The following DMKN variants were observed in gnomAD, a reference collection of about 807,000 sequenced individuals.
DMKN encodes epidermis-specific secreted protein SK30/SK89.
DMKN carries 58 observed loss-of-function variants against 67.6 expected under a neutral mutation model. The observed-to-expected ratio is 0.86, with a 90% confidence interval of 0.69 to 1.07. DMKN has a LOEUF of 1.07. Among genes scored for constraint, DMKN ranks in the 50% least tolerant of loss-of-function variants. The probability of loss-of-function intolerance (pLI) is 0.00; values close to 1 mark genes in which losing one functional copy is unlikely to be tolerated. For missense variants in DMKN, 596 were observed against 601.5 expected, an observed-to-expected ratio of 0.99 and a Z score of 0.10; for synonymous variants, 240 against 232.3, an observed-to-expected ratio of 1.03 and a Z score of -0.30.
intron 11 of DMKN, chr19:35,501,898 G>C (rs754053081): frequency 6.3e-7 from 1 of 1,579,082 alleles, no homozygotes; most frequent in South Asian, 1.2e-5. Context: ...CCGGCTTCAT[G>C]TTCATGTGCT....
Position 35,511,764 on chromosome 19 carries a change from C to A in DMKN, c.734G>T (p.Gly245Val). 1 of 1,613,184 alleles carries A rather than the reference C, an allele frequency of 6.2e-7. No individual in the cohort carries two copies. Among genetic ancestry groups the A allele is most frequent in the Non-Finnish European group, 8.5e-7 (1 of 1,179,492 alleles). Residue 245 changes from glycine (G) to valine (V), a missense_variant and splice_region_variant, in exon 4 of 16, where the codon GGG becomes GTG. Physicochemically the swap from Gly to Val is moderately radical, Grantham distance 109 (BLOSUM62 -3). Coordinates refer to ENST00000339686, the MANE Select transcript of DMKN (RefSeq NM_033317.5). Reference protein sequence around the residue: ...SGSGGGSSNSGGGSGSQSGSS... With the variant: ...SGSGGGSSNSVGGSGSQSGSS... ...CCTGGGTTGCCCCTCTCCACTCACC[C>A]CAGAGTTGCTGGAGCCTCCACCTGA...
intron 7 of DMKN, chr19:35,507,097 C>T: frequency 4.9e-6 from 1 of 203,596 alleles, no homozygotes; most frequent in Non-Finnish European, 1.0e-5. Context: ...TATGCTGGTG[C>T]CTGGCCAGAG....
In DMKN at chr19:35,511,400, G is replaced by T; in HGVS notation, c.918+11C>A. The T allele has an allele frequency of 6.2e-7, 1 of 1,607,470 alleles. No homozygotes were observed. On this transcript the variant is annotated intron_variant, in intron 5 of 15. Coordinates refer to ENST00000339686, the MANE Select transcript of DMKN (RefSeq NM_033317.5). The stretch of plus-strand genomic sequence containing the variant: ...CCCCATCTCAGCCTTCCACAGAGGT[G>T]CCAAACTCACCCAGGAGGACTCACT...
Position 35,511,461 on chromosome 19 carries a change from TGC to T in DMKN, c.866_867del (p.Ser289LysfsTer10). The T allele has an allele frequency of 1.8e-6, 2 of 1,120,364 alleles. No individual in the cohort carries two copies. The highest frequency in any genetic ancestry group is 2.3e-6 in the Non-Finnish European group (2 of 858,068). 69.4% of individuals were successfully genotyped at this position (1,120,364 alleles called of 1,614,324 possible). ...CCTCTGCTGCCACCACTGTTGCCAC[TGC>T]TGCCACCACTGCTGCCGCCACTGCT... ...GGSSGGSSGG[S>X]SGNSGGSRGD... is the part of the protein sequence containing the mutation. On this transcript the variant is annotated frameshift_variant, in exon 5 of 16. Transcript: ENST00000339686. LOFTEE classifies it high-confidence loss of function.
rs771670588 is a variant in DMKN at position 35,506,072 on chromosome 19, A to G, written c.1039-86T>C. 31 of 1,609,376 alleles carry G rather than the reference A, an allele frequency of 1.9e-5. No homozygotes were observed. The East Asian group carries it at 6.2e-4, about 32-fold the overall frequency. ...GATCTGAGTGGCAGGAGGGGAGGCG[A>G]GGATTGTGTGACACCATGGTCCCAG... On this transcript the variant is annotated intron_variant, in intron 7 of 15. Coordinates refer to ENST00000339686, the MANE Select transcript of DMKN (RefSeq NM_033317.5).
intron 5 of DMKN, 45 bp from the exon 6 acceptor site, chr19:35,510,297 A>C: frequency 6.4e-7 from 1 of 1,565,544 alleles, no homozygotes; most frequent in Non-Finnish European, 8.7e-7. Context: ...AAAGGACCTA[A>C]AGGGGACCCA....
intron 7 of DMKN, 89 bp downstream of exon 7, chr19:35,509,822 G>A (rs1192046482): frequency 1.4e-6 from 2 of 1,476,780 alleles, no homozygotes; most frequent in African/African-American, 1.4e-5. Context: ...AGGCAGGAGG[G>A]GGTTGAGCAG....
intron 11 of DMKN, among the ~76,000 whole-genome samples, chr19:35,501,415 G>C (rs991876150): frequency 6.6e-6 from 1 of 152,178 alleles, no homozygotes; most frequent in African/African-American, 2.4e-5. Flanking sequence ...CTGGTTCTTC[G>C]TGAAACATCA....
intron 9 of DMKN, chr19:35,503,474 GTTTT>G (rs149163465): frequency 1.0e-4 from 146 of 1,452,232 alleles, no homozygotes; most frequent in African/African-American, 4.8e-4. Flanking sequence ...GTTTTTTTTT[GTTTT>G]TTTTTTTTTT....
Position 35,510,202 on chromosome 19 carries a change from T to A in DMKN, c.969A>T (p.Gly323=). ...CACTCACCCCGGGTTTATGTCCATT[T>A]CCTCCGCCGCTCCCACCGTGGTTGC... ...SSGNHGGSGG[G]NGHKPGCEKP... is the part of the protein sequence containing the mutation. Residue 323 remains glycine, a synonymous_variant, in exon 6 of 16, where the codon GGA becomes GGT. Transcript: ENST00000339686. The A allele has an allele frequency of 6.2e-7, 1 of 1,608,036 alleles. No individual in the cohort carries two copies. The highest frequency in any genetic ancestry group is 8.5e-7 in the Non-Finnish European group (1 of 1,177,644).
intron 7 of DMKN, chr19:35,507,592 G>T: frequency 8.1e-7 from 1 of 1,241,128 alleles, no homozygotes; most frequent in Non-Finnish European, 1.2e-6. Flanking sequence ...CAGGGTGTCG[G>T]CGAGGGATTC....
rs2069411077 is a variant in DMKN at position 35,505,936 on chromosome 19, C to T, written c.1086+3G>A. On this transcript the variant is annotated splice_donor_region_variant and intron_variant, in intron 8 of 15. Coordinates refer to ENST00000339686, the MANE Select transcript of DMKN (RefSeq NM_033317.5). Reference sequence around the variant, plus strand: ...GTGAACAGAGCCATCTCGCAGAACTCACCTTCCAGAAAGTGTCAAAGTTAA... The same window carrying T: ...GTGAACAGAGCCATCTCGCAGAACTTACCTTCCAGAAAGTGTCAAAGTTAA... The T allele has an allele frequency of 1.2e-6, 2 of 1,614,196 alleles. No homozygotes were observed. The highest frequency in any genetic ancestry group is 1.7e-6 in the Non-Finnish European group (2 of 1,180,044).
chr19:35,507,731 C>A, intron 7 of DMKN: 1 of 550,402 alleles, frequency 1.8e-6, no homozygotes, highest in Non-Finnish European at 3.3e-6. Flanking sequence ...CGGGTGGCTG[C>A]TCACTTACGA....
chr19:35,510,064 C>T, intron 6 of DMKN, 103 bp from the exon 7 acceptor site: 1 of 1,575,892 alleles, frequency 6.3e-7, no homozygotes, highest in South Asian at 1.1e-5. Flanking sequence ...GCTTCCGCTC[C>T]ACCTCCGCGG....
chr19:35,511,515 TGCC>T lies in DMKN; in HGVS notation c.811_813del (p.Gly271del), dbSNP rs1297553970. On this transcript the variant is annotated inframe_deletion, in exon 5 of 16. Coordinates refer to ENST00000339686, the MANE Select transcript of DMKN (RefSeq NM_033317.5). ...CCGCCACTGCTGCTGCCACTGCTGC[TGCC>T]ACCACTGCTGCTGCCATTGTTGTTG... is the stretch of plus-strand genomic sequence containing the variant. The T allele has an allele frequency of 1.3e-6, 2 of 1,546,074 alleles. No individual in the cohort carries two copies. Among genetic ancestry groups the T allele is most frequent in the African/African-American group, 1.4e-5 (1 of 71,820 alleles).
intron 5 of DMKN, chr19:35,510,460 A>G: frequency 6.4e-7 from 1 of 1,552,020 alleles, no homozygotes; most frequent in Non-Finnish European, 8.7e-7. Context: ...GGGTATTCGG[A>G]ACTACGCAAT....
intron 3 of DMKN, 102 bp downstream of exon 3, chr19:35,512,319 A>C (rs1369482207): frequency 6.8e-7 from 1 of 1,471,560 alleles, no homozygotes. Context: ...TCTCACCCCA[A>C]TCCCTCCACT....
At chr19:35,499,444 T>C (rs1210472332) in intron 13 of DMKN, among the ~76,000 whole-genome samples, 2 of 152,238 alleles carry the variant, frequency 1.3e-5, no homozygotes, top group African/African-American at 2.4e-5. Context: ...TGCAACGGAA[T>C]AAAACCAAAT....
intron 13 of DMKN, chr19:35,499,141 G>A: frequency 1.7e-6 from 1 of 591,314 alleles, no homozygotes; most frequent in Non-Finnish European, 2.9e-6. Context: ...GACCAAGGGG[G>A]TCAAAAGAGC....
Sources: gnomAD v4.1 joint callset for allele counts (sites outside exome capture counted in the v4.1 genomes callset) on GRCh38, gnomAD v4.1.1 for gene constraint, MANE v1.5 for transcripts, NCBI Gene and HGNC (gene_info 2026-07-23, HGNC 2026-07-21) for gene names.